CCDC3: variants seen among roughly 807,000 people sequenced by gnomAD.
CCDC3 encodes coiled-coil domain containing 3.
Under a neutral mutation model 21.4 loss-of-function variants are expected in CCDC3, and 24 were observed. That is an observed-to-expected ratio of 1.12 (90% CI 0.81 to 1.58). CCDC3 has a LOEUF of 1.58. Among genes scored for constraint, CCDC3 ranks in the 40% most tolerant of loss-of-function variants. The pLI, the probability that CCDC3 is intolerant of heterozygous loss-of-function variation, is 0.00. For missense variants in CCDC3, 425 were observed against 360.9 expected (o/e 1.18, Z -1.44); for synonymous variants, 186 against 166.0 (o/e 1.12, Z -0.93).
At chr10:13,080,608 C>T (rs1364324111) in intron 3 of CCDC3, among the ~76,000 whole-genome samples, 2 of 152,144 alleles carry the variant, frequency 1.3e-5, no homozygotes, top group Non-Finnish European at 2.9e-5. Context: ...TATTGCTAAA[C>T]CAAAGGGAAA....
chr10:12,958,552 G>T (rs917444730), intron 2 of CCDC3, among the ~76,000 whole-genome samples: 17 of 152,180 alleles, frequency 1.1e-4, no homozygotes, highest in African/African-American at 3.6e-4. Context: ...GTGGCAAACG[G>T]CAGTAGTGCC....
chr10:13,069,402 T>C (rs375323709), intron 4 of CCDC3, among the ~76,000 whole-genome samples: 8 of 152,382 alleles, frequency 5.2e-5, no homozygotes, highest in African/African-American at 1.9e-4. Context: ...ATCTGCTCTT[T>C]AGCAAAATTT....
chr10:12,900,756 G>A (rs1834081105), intron 2 of CCDC3, among the ~76,000 whole-genome samples: 1 of 151,384 alleles, frequency 6.6e-6, no homozygotes, highest in Non-Finnish European at 1.5e-5. Flanking sequence ...TGATGGTGAT[G>A]GGTGAAGAGC....
intron 3 of CCDC3, among the ~76,000 whole-genome samples, chr10:13,095,957 T>C (rs1305812264): frequency 6.6e-6 from 1 of 152,200 alleles, no homozygotes; most frequent in Non-Finnish European, 1.5e-5. Context: ...CTGGTCTGAT[T>C]TCTGTCTTTT....
chr10:12,960,758 T>C (rs1231762457), intron 2 of CCDC3, among the ~76,000 whole-genome samples: 1 of 152,136 alleles, frequency 6.6e-6, no homozygotes, highest in African/African-American at 2.4e-5. Context: ...AGATAAAGAA[T>C]CGCTTGGCTG....
chr10:12,971,411 G>C (rs1231947222), intron 2 of CCDC3, among the ~76,000 whole-genome samples: 2 of 152,208 alleles, frequency 1.3e-5, no homozygotes, highest in Non-Finnish European at 1.5e-5. Flanking sequence ...TCAGAGCACA[G>C]CTTCTCACTG....
chr10:13,033,150 C>G (rs1034854173), intron 5 of CCDC3, among the ~76,000 whole-genome samples: 1 of 152,100 alleles, frequency 6.6e-6, no homozygotes, highest in Non-Finnish European at 1.5e-5. Flanking sequence ...GAGATATAGA[C>G]CAATGGAACA....
At chr10:12,950,813 C>A (rs1367774696) in intron 2 of CCDC3, among the ~76,000 whole-genome samples, 1 of 152,178 alleles carries the variant, frequency 6.6e-6, no homozygotes, top group South Asian at 2.1e-4. Context: ...ATATTCAGCA[C>A]TGACAGACTC....
At chr10:12,948,521 C>T (rs1460850009) in intron 2 of CCDC3, among the ~76,000 whole-genome samples, 1 of 151,862 alleles carries the variant, frequency 6.6e-6, no homozygotes, top group Non-Finnish European at 1.5e-5. Context: ...AGCTCCAGAA[C>T]CCCGTGTGTT....
intron 4 of CCDC3, among the ~76,000 whole-genome samples, chr10:13,068,048 C>T (rs1181687569): frequency 2.6e-5 from 4 of 152,008 alleles, no homozygotes; most frequent in African/African-American, 9.7e-5. Flanking sequence ...AAGATAACTC[C>T]TGGGGGCATG....
At chr10:13,049,617 T>C (rs1379567036) in intron 5 of CCDC3, 1 of 152,226 alleles carries the variant, frequency 6.6e-6, no homozygotes, top group Non-Finnish European at 1.5e-5. Context: ...AATTATATTT[T>C]TTTAAACGCC....
chr10:13,003,998 C>T (rs907960727), upstream of CCDC3, among the ~76,000 whole-genome samples: 4 of 152,082 alleles, frequency 2.6e-5, no homozygotes, highest in Non-Finnish European at 5.9e-5. Flanking sequence ...TGCAGTGTAC[C>T]GTAGTGAGCA....
rs996391434 is a variant in CCDC3 at position 12,897,893 on chromosome 10, C to A, written c.*523G>T. The A allele has an allele frequency of 2.0e-5, 3 of 153,444 alleles. No individual in the cohort carries two copies. Among genetic ancestry groups the A allele is most frequent in the Admixed American group, 6.4e-5 (1 of 15,530 alleles). The allele number at this position is 153,444 out of a possible 1,614,324, so 9.5% of individuals were successfully genotyped here. A position where few individuals can be genotyped will look rare whatever the true frequency, so the allele number is the denominator to read the frequency against. On this transcript the variant is annotated 3_prime_UTR_variant, in exon 3 of 3. Transcript: ENST00000378825. ...ATGCTGGCTGGATAGGGAGGCCCTG[C>A]ACGTGCTGATTTTCAGGCATCTTGG...
chr10:12,994,842 A>G (rs1412813487), intron 2 of CCDC3, among the ~76,000 whole-genome samples: 2 of 152,158 alleles, frequency 1.3e-5, no homozygotes, highest in East Asian at 3.9e-4. Context: ...GCACTTTGGG[A>G]GGCTGAGGCA....
At chr10:13,042,055 G>T (rs1333068185) in intron 5 of CCDC3, among the ~76,000 whole-genome samples, 3 of 152,192 alleles carry the variant, frequency 2.0e-5, no homozygotes, top group Admixed American at 2.0e-4. Context: ...CTGTCTAAAA[G>T]AAGACTCTCC....
At chr10:12,942,297 T>C (rs1018962603) in intron 2 of CCDC3, among the ~76,000 whole-genome samples, 1 of 152,244 alleles carries the variant, frequency 6.6e-6, no homozygotes, top group Non-Finnish European at 1.5e-5. Context: ...TGTAAAGTAG[T>C]AAATTTTGTG....
chr10:12,909,155 C>T (rs1834224271), intron 2 of CCDC3, among the ~76,000 whole-genome samples: 1 of 152,176 alleles, frequency 6.6e-6, no homozygotes. Flanking sequence ...TTGGGCACCT[C>T]AGTCCTTAGC....
chr10:12,916,844 C>G (rs1001083839), intron 2 of CCDC3, among the ~76,000 whole-genome samples: 1 of 152,194 alleles, frequency 6.6e-6, no homozygotes, highest in African/African-American at 2.4e-5. Context: ...CTGTCTGGTG[C>G]TGGGGTGGAT....
At chr10:12,900,701 A>AC (rs991819970) in intron 2 of CCDC3, among the ~76,000 whole-genome samples, 1 of 150,336 alleles carries the variant, frequency 6.7e-6, no homozygotes, top group African/African-American at 2.4e-5. Flanking sequence ...AAAAAAAAAA[A>AC]AAAAAAAACA....
Sources: gnomAD v4.1 joint callset for allele counts (sites outside exome capture counted in the v4.1 genomes callset) on GRCh38, gnomAD v4.1.1 for gene constraint, MANE v1.5 for transcripts, NCBI Gene and HGNC (gene_info 2026-07-23, HGNC 2026-07-21) for gene names.